The following IGF2R variants were observed in gnomAD, a reference collection of about 807,000 sequenced individuals.
IGF2R encodes the protein cation-independent mannose-6-phosphate receptor.
Under a neutral mutation model 270.6 loss-of-function variants are expected in IGF2R, and 91 were observed. The ratio of observed to expected loss-of-function variants is 0.34; its 90% CI spans 0.28 to 0.40. The LOEUF is 0.40. Among genes scored for constraint, IGF2R ranks in the 10% least tolerant of loss-of-function variants. IGF2R has a pLI of 1.00. For synonymous variants in IGF2R, 1,316 were observed against 1,258.9 expected (o/e 1.05, Z -0.96); for missense variants, 2,805 against 3,188.3 (o/e 0.88, Z 2.90).
intron 45 of IGF2R, among the ~76,000 whole-genome samples, chr6:160,097,593 G>T (rs1392334422): frequency 6.6e-6 from 1 of 152,234 alleles, no homozygotes; most frequent in East Asian, 1.9e-4. Flanking sequence ...GCCTCCCAAA[G>T]TGCTGGCATT....
At chr6:160,038,920 AC>A (rs1377927187) in intron 10 of IGF2R, among the ~76,000 whole-genome samples, 1 of 152,182 alleles carries the variant, frequency 6.6e-6, no homozygotes, top group Admixed American at 6.5e-5. Flanking sequence ...ATGAGGGCAG[AC>A]CCTCAGGGTC....
intron 33 of IGF2R, 151 bp downstream of exon 33, chr6:160,073,035 A>G (rs1778777968): frequency 7.3e-7 from 1 of 1,363,028 alleles, no homozygotes. Flanking sequence ...TGTGGGGGAC[A>G]CATGGTCATG....
Position 160,080,198 on chromosome 6 carries a change from T to C in IGF2R, c.5756T>C (p.Ile1919Thr), listed in dbSNP as rs773177693. Residue 1919 changes from isoleucine (I) to threonine (T), a missense_variant, in exon 39 of 48, where the codon ATA (isoleucine) becomes ACA (threonine). Around this residue, in one of 2 missense-constraint regions of IGF2R, gnomAD observed 1,851 missense variants for 2,207.2 expected, o/e 0.84. Coordinates refer to ENST00000356956, the MANE Select transcript of IGF2R (RefSeq NM_000876.4). Reference sequence around the variant, plus strand: ...GGGAAGAGCTACGAGGAGTGCATCATAGAGAGCAGGGCGAAGCTGTGGTGT... The same window carrying C: ...GGGAAGAGCTACGAGGAGTGCATCACAGAGAGCAGGGCGAAGCTGTGGTGT... ...FNGKSYEECI[I>T]ESRAKLWCST... is the part of the protein sequence containing the mutation. The C allele has an allele frequency of 1.1e-5, 17 of 1,614,028 alleles. No homozygotes were observed. The Admixed American group carries it at 2.7e-4, about 25-fold the overall frequency.
chr6:160,068,064 GGGTGT>G (rs1416190798), intron 29 of IGF2R, among the ~76,000 whole-genome samples, 180 bp from the exon 30 acceptor site: 9 of 64,410 alleles, frequency 1.4e-4, no homozygotes, highest in African/African-American at 4.2e-4. Context: ...TTCTGATGGG[GGGTGT>G]GTGTGTGTGT....
chr6:160,060,431 G>A (rs759279579), intron 22 of IGF2R, 116 bp from the exon 23 acceptor site: 2 of 972,234 alleles, frequency 2.1e-6, no homozygotes, highest in East Asian at 2.4e-5. Context: ...TTGCTCCCAC[G>A]AACGGCTGTG....
At chr6:160,006,330 G>C (rs1056256447) in intron 2 of IGF2R, 1 of 154,012 alleles carries the variant, frequency 6.5e-6, no homozygotes, top group Admixed American at 6.5e-5. Flanking sequence ...CTCCCTAGGC[G>C]GGTACCTCAG....
In IGF2R at chr6:160,071,843, G is replaced by C. The variant is rs1372840796; in HGVS notation, c.4444-67G>C. ...TTTTCAGAGAAGCTTCCACTTGTAA[G>C]TTGAAATCATGATAGACATGGAGTT... On this transcript the variant is annotated intron_variant, in intron 31 of 47. Coordinates refer to ENST00000356956, the MANE Select transcript of IGF2R (RefSeq NM_000876.4). 3 of 1,588,870 alleles carry C rather than the reference G, an allele frequency of 1.9e-6. No individual in the cohort carries two copies. In the African/African-American group the frequency reaches 4.0e-5, roughly 21 times the overall value.
intron 33 of IGF2R, 97 bp downstream of exon 33, chr6:160,072,981 G>A: frequency 6.7e-7 from 1 of 1,503,690 alleles, no homozygotes; most frequent in Non-Finnish European, 8.9e-7. Flanking sequence ...GATGAGCAGA[G>A]CCAGGAAGCT....
chr6:160,047,099 C>T, intron 15 of IGF2R, 60 bp from the exon 16 acceptor site: 3 of 1,525,522 alleles, frequency 2.0e-6, no homozygotes, highest in Non-Finnish European at 1.8e-6. Context: ...TTCAGTGTGG[C>T]AGCCTTGGAG....
chr6:160,089,824 G>T lies in IGF2R; in HGVS notation c.6468-92G>T, dbSNP rs113436958. On this transcript the variant is annotated intron_variant, in intron 43 of 47. Coordinates refer to ENST00000356956, the MANE Select transcript of IGF2R (RefSeq NM_000876.4). The stretch of plus-strand genomic sequence containing the variant: ...TTCCCTAGGAAAGGAAGCATCCTGG[G>T]GCCCTGCAGTGATTCTGAGGACTGA... 603 of 831,672 alleles carry T rather than the reference G, an allele frequency of 7.3e-4. 3 individuals are homozygous for T. The African/African-American group carries it at 9.7e-3, about 13-fold the overall frequency. 51.5% of individuals were successfully genotyped at this position (831,672 alleles called of 1,614,324 possible). A position where few individuals can be genotyped will look rare whatever the true frequency, so the allele number is the denominator to read the frequency against.
chr6:160,057,957 A>G (rs1187593879), intron 20 of IGF2R, 66 bp from the exon 21 acceptor site: 19 of 902,626 alleles, frequency 2.1e-5, no homozygotes, highest in Admixed American at 1.2e-4. Context: ...GAGGTGCTGT[A>G]TGTATGTTAT....
chr6:160,010,634 A>G, intron 3 of IGF2R, 53 bp from the exon 4 acceptor site: 2 of 1,085,726 alleles, frequency 1.8e-6, no homozygotes, highest in Non-Finnish European at 2.8e-6. Flanking sequence ...TTAAAGAAGA[A>G]TCTTTACAAT....
Position 159,997,540 on chromosome 6 carries a change from C to T in IGF2R, c.289+6217C>T, listed in dbSNP as rs147314750. Among the ~76,000 whole-genome samples, 16 of 152,292 alleles carry T rather than the reference C, an allele frequency of 1.1e-4. No homozygotes were observed. In the East Asian group the frequency reaches 3.1e-3, roughly 29 times the overall value. On this transcript the variant is annotated intron_variant, in intron 2 of 47. Transcript: ENST00000356956. The stretch of plus-strand genomic sequence containing the variant: ...AGGGCAGAAAAGCTCTCCCACAGTT[C>T]GGGTACCAGCAGTCGACCACAGAGG...
chr6:159,993,103 T>C (rs1454335257), intron 2 of IGF2R, among the ~76,000 whole-genome samples: 3 of 152,190 alleles, frequency 2.0e-5, no homozygotes, highest in Admixed American at 6.5e-5. Flanking sequence ...AAGGGGTTCT[T>C]TTTTTCTTTT....
chr6:160,043,108 G>A, intron 11 of IGF2R, 40 bp from the exon 12 acceptor site: 2 of 1,607,214 alleles, frequency 1.2e-6, no homozygotes, highest in Non-Finnish European at 1.7e-6. Flanking sequence ...AGAGAAATCA[G>A]CATTGCTTTT....
At chr6:160,103,003 C>T (rs571088795) in intron 46 of IGF2R, among the ~76,000 whole-genome samples, 158 of 152,326 alleles carry the variant, frequency 1.0e-3, no homozygotes, top group African/African-American at 3.7e-3. Context: ...CTCTGCCCTC[C>T]TCACATCATA....
chr6:160,092,165 G>A (rs1452361851), intron 44 of IGF2R, among the ~76,000 whole-genome samples: 1 of 12,616 alleles, frequency 7.9e-5, no homozygotes, highest in Non-Finnish European at 1.5e-4. Flanking sequence ...GGGTGACACC[G>A]CTGGTGTGTC....
At chr6:160,054,999 G>C (rs1778280065) in intron 19 of IGF2R, among the ~76,000 whole-genome samples, 1 of 152,106 alleles carries the variant, frequency 6.6e-6, no homozygotes, top group Non-Finnish European at 1.5e-5. Flanking sequence ...TTTCCTGAGA[G>C]ACACTTCCTT....
At chr6:160,043,313 C>A (rs764283517) in intron 12 of IGF2R, 25 bp downstream of exon 12, 2 of 1,601,368 alleles carry the variant, frequency 1.2e-6, no homozygotes, top group East Asian at 2.2e-5. Flanking sequence ...GATGGAAGAT[C>A]TAGGTGATGC....
Sources: gnomAD v4.1 joint callset for allele counts (sites outside exome capture counted in the v4.1 genomes callset) on GRCh38, gnomAD v4.1.1 for gene constraint, gnomAD v4.1.1 regional missense constraint, MANE v1.5 for transcripts, NCBI Gene and HGNC (gene_info 2026-07-23, HGNC 2026-07-21) for gene names.